The following ZFYVE21 variants were observed in gnomAD, a reference collection of about 807,000 sequenced individuals.
ZFYVE21 encodes zinc finger FYVE-type containing 21.
A neutral mutation model predicts 29.5 loss-of-function variants in ZFYVE21; 21 were observed. The observed-to-expected ratio is 0.71, with a 90% CI of 0.50 to 1.02. ZFYVE21 has a LOEUF of 1.02. ZFYVE21 is among the 50% of genes least tolerant of loss of function. ZFYVE21 has a pLI of 0.00. For missense variants in ZFYVE21, 326 were observed against 335.4 expected (o/e 0.97, Z 0.22); for synonymous variants, 151 against 133.8 (o/e 1.13, Z -0.89).
At chr14:103,729,808 C>T in intron 5 of ZFYVE21, 1 of 1,536,432 alleles carries the variant, frequency 6.5e-7, no homozygotes, top group Non-Finnish European at 8.7e-7. Flanking sequence ...GACATTCACG[C>T]TTACACCAGC....
At chr14:103,722,109 C>CG (rs2083877420) in intron 1 of ZFYVE21, among the ~76,000 whole-genome samples, 3 of 152,180 alleles carry the variant, frequency 2.0e-5, no homozygotes, top group South Asian at 4.1e-4. Flanking sequence ...GCTTCCTTTG[C>CG]GGGGCGTGCT....
chr14:103,732,963 T>C lies in ZFYVE21; in HGVS notation c.670-20T>C. The stretch of plus-strand genomic sequence containing the variant: ...CAGGACCAAGCAGGCCTCACTGTGT[T>C]GATCTTGTCTGATCTGCAGGCTGCC... On this transcript the variant is annotated intron_variant, in intron 6 of 6. Transcript: ENST00000311141. The C allele has an allele frequency of 1.2e-6, 2 of 1,614,022 alleles. No homozygotes were observed. The highest frequency in any genetic ancestry group is 1.7e-6 in the Non-Finnish European group (2 of 1,180,004).
rs757152685 is a variant in ZFYVE21, at chr14:103,716,654, C to G, written c.138+675C>G. ...TTGAAGGAGACCGCAGATTTGCACC[C>G]GTTTCCCATGGGCCCAGACACGGCA... On this transcript the variant is annotated intron_variant, in intron 1 of 6. Coordinates refer to ENST00000311141, the MANE Select transcript of ZFYVE21 (RefSeq NM_024071.4). This position sits in a 1 kb window ranked among gnomAD's most constrained non-coding sequence, Gnocchi z 4.8. Among the ~76,000 whole-genome samples, 6 of 152,230 alleles carry G rather than the reference C, an allele frequency of 3.9e-5. No individual in the cohort carries two copies. Among genetic ancestry groups the G allele is most frequent in the Non-Finnish European group, 5.9e-5 (4 of 68,042 alleles).
intron 1 of ZFYVE21, among the ~76,000 whole-genome samples, chr14:103,719,256 C>T (rs920546655): frequency 6.6e-6 from 1 of 151,646 alleles, no homozygotes; most frequent in Non-Finnish European, 1.5e-5. Flanking sequence ...CCAGCCTGGG[C>T]GACCAAGCGA....
At chr14:103,728,815 C>A in intron 3 of ZFYVE21, 93 bp from the exon 4 acceptor site, 1 of 1,232,894 alleles carries the variant, frequency 8.1e-7, no homozygotes, top group Non-Finnish European at 1.2e-6. Context: ...TTTACTCTGT[C>A]CTCTGTGCGT....
At position 103,716,078 on chromosome 14, in the gene ZFYVE21, G is replaced by A. The variant is rs1194931853; in HGVS notation, c.138+99G>A. The A allele has an allele frequency of 2.2e-5, 24 of 1,104,036 alleles. No homozygotes were observed. Among genetic ancestry groups the A allele is most frequent in the Admixed American group, 9.7e-5 (2 of 20,662 alleles). The allele number at this position is 1,104,036 out of a possible 1,614,324, so 68.4% of individuals were successfully genotyped here. The stretch of plus-strand genomic sequence containing the variant: ...CTCCCGCGACGACCCCTCCGCCTCC[G>A]GGCGGCCCCTTCCCCAGCCGGCCCC... On this transcript the variant is annotated intron_variant, in intron 1 of 6. Coordinates refer to ENST00000311141, the MANE Select transcript of ZFYVE21 (RefSeq NM_024071.4). This position sits in a 1 kb window ranked among gnomAD's most constrained non-coding sequence, Gnocchi z 4.8.
chr14:103,732,566 G>C (rs74085282), intron 5 of ZFYVE21, 54 bp from the exon 6 acceptor site: 2 of 1,507,982 alleles, frequency 1.3e-6, no homozygotes, highest in Admixed American at 4.8e-5. Context: ...GCTGGTGGCC[G>C]CCTGGGCACT....
At position 103,733,030 on chromosome 14, in the gene ZFYVE21, G is replaced by A; in HGVS notation, c.*12G>A. The A allele has an allele frequency of 6.2e-7, 1 of 1,614,146 alleles. No individual in the cohort carries two copies. Among genetic ancestry groups the A allele is most frequent in the South Asian group, 1.1e-5 (1 of 91,086 alleles). ...CTCGGGACCAGTAACTCTACGTGGG[G>A]CTGAGCTTGGAGTACGTGTGGTCAC... On this transcript the variant is annotated 3_prime_UTR_variant, in exon 7 of 7. Coordinates refer to ENST00000311141, the MANE Select transcript of ZFYVE21 (RefSeq NM_024071.4).
Position 103,733,187 on chromosome 14 carries a change from G to C in ZFYVE21, c.*169G>C. ...AGTGTTCACTTATCTAGTGCAATAT[G>C]TTCACAGTTTATTAATGCTTTAAAC... On this transcript the variant is annotated 3_prime_UTR_variant, in exon 7 of 7. Transcript: ENST00000311141. 2.5e-6 allele frequency: 2 copies of C among 789,880 alleles called. No homozygotes were observed. Among genetic ancestry groups the C allele is most frequent in the Non-Finnish European group, 4.0e-6 (2 of 495,858 alleles). 48.9% of individuals were successfully genotyped at this position (789,880 alleles called of 1,614,324 possible).
chr14:103,725,165 G>C (rs949315452), intron 1 of ZFYVE21: 1 of 152,300 alleles, frequency 6.6e-6, no homozygotes. Flanking sequence ...GCGTCCTCGT[G>C]CTGCGCTCGT....
chr14:103,727,317 C>G (rs2083936607), intron 2 of ZFYVE21: 1 of 369,220 alleles, frequency 2.7e-6, no homozygotes, highest in Non-Finnish European at 5.3e-6. Context: ...CTGCCGGACG[C>G]TATGGGGTGG....
chr14:103,732,917 C>CA, intron 6 of ZFYVE21, 66 bp from the exon 7 acceptor site: 1 of 1,612,102 alleles, frequency 6.2e-7, no homozygotes, highest in Non-Finnish European at 8.5e-7. Context: ...GAAATGCACA[C>CA]AGGCTTGGCT....
At chr14:103,728,755 C>A in intron 3 of ZFYVE21, 153 bp from the exon 4 acceptor site, 3 of 709,618 alleles carry the variant, frequency 4.2e-6, no homozygotes, top group Non-Finnish European at 7.1e-6. Context: ...TGCCTTTTTG[C>A]TCAGCTGAAG....
chr14:103,729,896 C>T, intron 5 of ZFYVE21: 2 of 1,526,906 alleles, frequency 1.3e-6, no homozygotes, highest in Non-Finnish European at 1.8e-6. Context: ...CGGGCCCGTT[C>T]CTCCCCTCGC....
Position 103,716,248 on chromosome 14 carries a change from G to GGCGGGGTGCGGGGC in ZFYVE21, c.138+275_138+288dup, listed in dbSNP as rs2083807839. On this transcript the variant is annotated intron_variant, in intron 1 of 6. Coordinates refer to ENST00000311141, the MANE Select transcript of ZFYVE21 (RefSeq NM_024071.4). This position sits in a 1 kb window ranked among gnomAD's most constrained non-coding sequence, Gnocchi z 4.8. ...CACCTGTCCAGGGCGGGCGCCGGGA[G>GGCGGGGTGCGGGGC]GCGGGGTGCGGGGCGCGGGCTGGTC... Among the ~76,000 whole-genome samples, 1 of 152,102 alleles carries GGCGGGGTGCGGGGC rather than the reference G, an allele frequency of 6.6e-6. No individual in the cohort carries two copies. Among genetic ancestry groups the GGCGGGGTGCGGGGC allele is most frequent in the Non-Finnish European group, 1.5e-5 (1 of 67,978 alleles).
Position 103,733,001 on chromosome 14 carries a change from G to GATT in ZFYVE21, c.689_690insTTA (p.Glu230delinsAspTer). 1 of 1,614,136 alleles carries GATT rather than the reference G, an allele frequency of 6.2e-7. No individual in the cohort carries two copies. Among genetic ancestry groups the GATT allele is most frequent in the East Asian group, 2.2e-5 (1 of 44,886 alleles). ...TCTGCAGGCTGCCAAGCTCCTCTAT[G>GATT]AATCTCGGGACCAGTAACTCTACGT... On this transcript the variant is annotated stop_gained and protein_altering_variant, in exon 7 of 7. Transcript: ENST00000311141. LOFTEE classifies it high-confidence loss of function.
intron 1 of ZFYVE21, among the ~76,000 whole-genome samples, chr14:103,722,711 T>C: frequency 6.6e-6 from 1 of 151,332 alleles, no homozygotes; most frequent in East Asian, 2.0e-4. Context: ...TCCAGCTACT[T>C]GGGAGGCTGA....
chr14:103,717,302 A>C (rs2083833950), intron 1 of ZFYVE21, among the ~76,000 whole-genome samples: 1 of 152,220 alleles, frequency 6.6e-6, no homozygotes, highest in Non-Finnish European at 1.5e-5. Flanking sequence ...ATTTACTTTT[A>C]AGTTGACACG....
chr14:103,732,695 T>TGACA lies in ZFYVE21; in HGVS notation c.604_607dup (p.Val203AspfsTer29). 1.9e-6 allele frequency: 3 copies of TGACA among 1,613,368 alleles called. No homozygotes were observed. Among genetic ancestry groups the TGACA allele is most frequent in the Non-Finnish European group, 2.5e-6 (3 of 1,179,772 alleles). On this transcript the variant is annotated frameshift_variant, in exon 6 of 7. Coordinates refer to ENST00000311141, the MANE Select transcript of ZFYVE21 (RefSeq NM_024071.4). LOFTEE classifies it high-confidence loss of function. ...ACGGAGGGTGTGACCCAGCTGAAGC[T>TGACA]GACAGTGGTGGAGGACGTGACTGTG...
Sources: allele counts gnomAD v4.1 joint callset (sites outside exome capture counted in the v4.1 genomes callset), GRCh38; gene constraint gnomAD v4.1.1; non-coding constraint Gnocchi (gnomAD v3.1); transcripts MANE v1.5; gene names NCBI Gene and HGNC (gene_info 2026-07-23, HGNC 2026-07-21).